The following TGFBR1 variants were observed in gnomAD, a reference collection of about 807,000 sequenced individuals.
TGFBR1 encodes transforming growth factor beta receptor 1.
A neutral mutation model predicts 55.1 loss-of-function variants in TGFBR1; 20 were observed. The observed-to-expected ratio is 0.36, with a 90% CI of 0.26 to 0.53. The LOEUF is 0.53. Among genes scored for constraint, TGFBR1 ranks in the 20% least tolerant of loss-of-function variants. The pLI is 0.91. For missense variants in TGFBR1, 385 were observed against 617.6 expected, an observed-to-expected ratio of 0.62 and a Z score of 3.99; for synonymous variants, 220 against 214.8, an observed-to-expected ratio of 1.02 and a Z score of -0.21.
At chr9:99,113,542 A>G (rs1826645687) in intron 1 of TGFBR1, among the ~76,000 whole-genome samples, 1 of 152,224 alleles carries the variant, frequency 6.6e-6, no homozygotes, top group Middle Eastern at 3.2e-3. Flanking sequence ...GCACCAACAT[A>G]TCTGGCTGTA....
rs574691862 is a variant in TGFBR1, at chr9:99,152,905, A to G, written c.*3600A>G. On this transcript the variant is annotated 3_prime_UTR_variant, in exon 9 of 9. Transcript: ENST00000374994. ...AGGACATTAAGATGATTGTCAGTACATTAAACTTTTCAATCCCATTATGCA... is the reference window on the plus strand; with the variant it reads ...AGGACATTAAGATGATTGTCAGTACGTTAAACTTTTCAATCCCATTATGCA... 2.2e-5 allele frequency: 5 copies of G among 231,102 alleles called. No individual in the cohort carries two copies. The South Asian group carries it at 7.3e-4, about 34-fold the overall frequency. 14.3% of individuals were successfully genotyped at this position (231,102 alleles called of 1,614,324 possible). A position where few individuals can be genotyped will look rare whatever the true frequency, so the allele number is the denominator to read the frequency against.
At position 99,128,843 on chromosome 9, in the gene TGFBR1, C is replaced by T. The variant is rs200682049; in HGVS notation, c.98-12C>T. On this transcript the variant is annotated splice_polypyrimidine_tract_variant and intron_variant, in intron 1 of 8. Coordinates refer to ENST00000374994, the MANE Select transcript of TGFBR1 (RefSeq NM_004612.4). ...CTTGAGATTTTTTCTAAGAATCTTT[C>T]TCTTTTTCCAGCGTTACAGTGTTTC... 2 of 1,613,398 alleles carry T rather than the reference C, an allele frequency of 1.2e-6. No homozygotes were observed. The highest frequency in any genetic ancestry group is 3.3e-5 in the Admixed American group (2 of 59,972).
rs1208415442 is a variant in TGFBR1, at chr9:99,146,619, T to A, written c.1255+10T>A. The stretch of plus-strand genomic sequence containing the variant: ...CGATGTTCCATTGGTGGTAAATTGC[T>A]CTCCTCTCCCCCAGTAGTTTGTCAT... On this transcript the variant is annotated intron_variant, in intron 7 of 8. Transcript: ENST00000374994. The A allele has an allele frequency of 6.2e-7, 1 of 1,613,802 alleles. No individual in the cohort carries two copies. The highest frequency in any genetic ancestry group is 8.5e-7 in the Non-Finnish European group (1 of 1,179,824).
intron 3 of TGFBR1, among the ~76,000 whole-genome samples, chr9:99,135,774 AG>A (rs1827418849): frequency 6.6e-6 from 1 of 152,082 alleles, no homozygotes; most frequent in Non-Finnish European, 1.5e-5. Context: ...ACAGTTCTAA[AG>A]GTACAGAAGA....
In TGFBR1 at chr9:99,151,008, A is replaced by G. The variant is rs1827965041; in HGVS notation, c.*1703A>G. ...TATAGTGCTATCAGTTCCCCGATAC[A>G]GGGTCAGAGTAACCCATACAGTATT... On this transcript the variant is annotated 3_prime_UTR_variant, in exon 9 of 9. Coordinates refer to ENST00000374994, the MANE Select transcript of TGFBR1 (RefSeq NM_004612.4). The G allele has an allele frequency of 4.4e-6, 1 of 227,936 alleles. No homozygotes were observed. Among genetic ancestry groups the G allele is most frequent in the Non-Finnish European group, 8.7e-6 (1 of 114,542 alleles). 14.1% of individuals were successfully genotyped at this position (227,936 alleles called of 1,614,324 possible). A position where few individuals can be genotyped will look rare whatever the true frequency, so the allele number is the denominator to read the frequency against.
At chr9:99,110,045 C>G (rs1351310948) in intron 1 of TGFBR1, among the ~76,000 whole-genome samples, 1 of 152,116 alleles carries the variant, frequency 6.6e-6, no homozygotes, top group Non-Finnish European at 1.5e-5. Flanking sequence ...TGTTTGCTTT[C>G]CAGGTAAGTT....
chr9:99,142,195 A>G (rs1374130432), intron 4 of TGFBR1, among the ~76,000 whole-genome samples: 1 of 152,014 alleles, frequency 6.6e-6, no homozygotes, highest in Admixed American at 6.6e-5. Flanking sequence ...ACAGCCACTG[A>G]GCACCCAACC....
intron 5 of TGFBR1, among the ~76,000 whole-genome samples, chr9:99,143,651 T>C (rs962897776): frequency 3.9e-5 from 6 of 152,224 alleles, no homozygotes; most frequent in African/African-American, 1.4e-4. Context: ...AACAGTTTTA[T>C]TGAGTTATAA....
intron 3 of TGFBR1, among the ~76,000 whole-genome samples, chr9:99,135,916 G>A (rs868213429): frequency 2.0e-5 from 3 of 147,626 alleles, no homozygotes. Context: ...GTGCAGTGGT[G>A]GGATCTCAGC....
chr9:99,140,662 A>G (rs984880569), intron 4 of TGFBR1, among the ~76,000 whole-genome samples: 1 of 151,984 alleles, frequency 6.6e-6, no homozygotes, highest in African/African-American at 2.4e-5. Context: ...TGTTTTCTCA[A>G]CTCTTACTCT....
At chr9:99,115,187 C>G (rs138886115) in intron 1 of TGFBR1, among the ~76,000 whole-genome samples, 2 of 152,162 alleles carry the variant, frequency 1.3e-5, no homozygotes, top group African/African-American at 4.8e-5. Flanking sequence ...TAAGGATTCA[C>G]TTTTCCTTTT....
At chr9:99,143,050 C>A (rs1014450852) in intron 5 of TGFBR1, among the ~76,000 whole-genome samples, 1 of 151,966 alleles carries the variant, frequency 6.6e-6, no homozygotes, top group Admixed American at 6.6e-5. Flanking sequence ...TAGAGAGAGA[C>A]CCTGTCTCAG....
intron 2 of TGFBR1, 133 bp downstream of exon 2, chr9:99,129,233 C>G: frequency 9.6e-7 from 1 of 1,036,378 alleles, no homozygotes; most frequent in Non-Finnish European, 1.4e-6. Context: ...GTGACTTGTC[C>G]ATTGTTACAG....
intron 4 of TGFBR1, among the ~76,000 whole-genome samples, chr9:99,140,289 C>T (rs1236231081): frequency 6.6e-6 from 1 of 152,042 alleles, no homozygotes; most frequent in African/African-American, 2.4e-5. Context: ...CCCATCTCTA[C>T]TAAAAATACA....
chr9:99,149,721 G>A lies in TGFBR1; in HGVS notation c.*416G>A. The A allele has an allele frequency of 3.6e-6, 1 of 274,870 alleles. No homozygotes were observed. Among genetic ancestry groups the A allele is most frequent in the South Asian group, 7.6e-5 (1 of 13,216 alleles). The allele number at this position is 274,870 out of a possible 1,614,324, so 17.0% of individuals were successfully genotyped here. On this transcript the variant is annotated 3_prime_UTR_variant, in exon 9 of 9. Coordinates refer to ENST00000374994, the MANE Select transcript of TGFBR1 (RefSeq NM_004612.4). ...TTTACTCCTGGTTAGTACATTCTCA[G>A]AGGATTCTGAACCACTAGAGTTTCC...
chr9:99,146,521 T>C lies in TGFBR1; in HGVS notation c.1167T>C (p.Asn389=), dbSNP rs769218243. Residue 389 remains asparagine (N), a synonymous_variant, in exon 7 of 9, where the codon AAT becomes AAC. Coordinates refer to ENST00000374994, the MANE Select transcript of TGFBR1 (RefSeq NM_004612.4). The part of the protein sequence containing the change: ...MAPEVLDDSI[N]MKHFESFKRA... Reference sequence around the variant, plus strand: ...CTGAAGTTCTCGATGATTCCATAAATATGAAACATTTTGAATCCTTCAAAC... The same window carrying C: ...CTGAAGTTCTCGATGATTCCATAAACATGAAACATTTTGAATCCTTCAAAC... 6.2e-7 allele frequency: 1 copy of C among 1,613,996 alleles called. No individual in the cohort carries two copies. Among genetic ancestry groups the C allele is most frequent in the South Asian group, 1.1e-5 (1 of 91,078 alleles).
At chr9:99,145,892 C>T (rs944617204) in intron 6 of TGFBR1, 1 of 157,014 alleles carries the variant, frequency 6.4e-6, no homozygotes, top group East Asian at 1.9e-4. Context: ...CATCCAAGTA[C>T]TAAGCAGGCC....
intron 4 of TGFBR1, among the ~76,000 whole-genome samples, chr9:99,141,795 TC>T (rs898986052): frequency 2.8e-4 from 42 of 152,330 alleles, no homozygotes; most frequent in Admixed American, 2.4e-3. Flanking sequence ...TTACCATTAT[TC>T]CTATGAGAAA....
intron 2 of TGFBR1, among the ~76,000 whole-genome samples, chr9:99,131,636 T>TAA (rs35690716): frequency 6.7e-4 from 99 of 148,434 alleles, no homozygotes; most frequent in East Asian, 3.9e-3. Context: ...CAAACTCTGT[T>TAA]AAAAAAAAAA....
Sources: allele counts gnomAD v4.1 joint callset (sites outside exome capture counted in the v4.1 genomes callset), GRCh38; gene constraint gnomAD v4.1.1; transcripts MANE v1.5; gene names NCBI Gene and HGNC (gene_info 2026-07-23, HGNC 2026-07-21).